Variants in NRXN1 observed in about 807,000 individuals in gnomAD.
The protein encoded by NRXN1 is neurexin-1.
Under a neutral mutation model 150.9 loss-of-function variants are expected in NRXN1, and 39 were observed. That is an observed-to-expected ratio of 0.26 (90% CI 0.20 to 0.34). The LOEUF (loss-of-function observed/expected upper bound fraction) is 0.34, where lower values mean the gene tolerates loss of function less well. NRXN1 is among the 10% of genes least tolerant of loss of function. The pLI is 1.00. For missense variants in NRXN1, 1,815 were observed against 1,949.9 expected, an observed-to-expected ratio of 0.93 and a Z score of 1.30; for synonymous variants, 924 against 757.0, an observed-to-expected ratio of 1.22 and a Z score of -3.62.
intron 2 of NRXN1, among the ~76,000 whole-genome samples, chr2:51,022,054 T>G (rs1275374626): frequency 1.3e-5 from 2 of 152,102 alleles, no homozygotes; most frequent in East Asian, 3.9e-4. Flanking sequence ...AACTGAAACT[T>G]TAGGCAGGTA....
At chr2:50,759,605 C>T (rs1701559062) in intron 5 of NRXN1, among the ~76,000 whole-genome samples, 1 of 151,712 alleles carries the variant, frequency 6.6e-6, no homozygotes, top group African/African-American at 2.4e-5. Flanking sequence ...TGTGAGAGCG[C>T]AAGACATAAG....
At chr2:51,027,440 G>A (rs1670685899) in intron 2 of NRXN1, 62 bp downstream of exon 2, 1 of 1,455,626 alleles carries the variant, frequency 6.9e-7, no homozygotes, top group East Asian at 2.4e-5. Context: ...CACCAGCCCG[G>A]TCCCCTCCTC....
intron 2 of NRXN1, among the ~76,000 whole-genome samples, chr2:50,950,511 G>A (rs939173604): frequency 2.6e-5 from 4 of 152,152 alleles, no homozygotes; most frequent in Admixed American, 6.5e-5. Flanking sequence ...GTACTGGGGC[G>A]TGCATGTATC....
chr2:50,471,909 T>A (rs1469786382), intron 16 of NRXN1, among the ~76,000 whole-genome samples: 1 of 151,750 alleles, frequency 6.6e-6, no homozygotes, highest in African/African-American at 2.4e-5. Flanking sequence ...TGTAGATTTT[T>A]AAAAAATGGG....
chr2:50,237,454 G>A (rs906384246), intron 17 of NRXN1, among the ~76,000 whole-genome samples: 1 of 151,932 alleles, frequency 6.6e-6, no homozygotes, highest in African/African-American at 2.4e-5. Flanking sequence ...ATGGAAAAAG[G>A]ATCTACTTAC....
chr2:50,730,032 C>T (rs529816532), intron 5 of NRXN1, among the ~76,000 whole-genome samples: 9 of 152,138 alleles, frequency 5.9e-5, no homozygotes, highest in Admixed American at 2.0e-4. Context: ...CAGCCACTCT[C>T]TCGACAGATG....
intron 17 of NRXN1, among the ~76,000 whole-genome samples, chr2:50,267,991 A>G (rs951310591): frequency 4.6e-5 from 7 of 152,086 alleles, no homozygotes; most frequent in African/African-American, 7.2e-5. Context: ...GGAGTTTGCG[A>G]CCAGCCTGGG....
In NRXN1 at chr2:49,964,954, T is replaced by A. The variant is rs564753184; in HGVS notation, c.4129-21163A>T. Among the ~76,000 whole-genome samples the A allele has an allele frequency of 5.9e-5, 9 of 152,260 alleles. No individual in the cohort carries two copies. In the South Asian group the frequency reaches 6.2e-4, roughly 11 times the overall value. On this transcript the variant is annotated intron_variant, in intron 21 of 22. Coordinates refer to ENST00000401669, the MANE Select transcript of NRXN1 (RefSeq NM_001330078.2). Reference sequence around the variant, plus strand: ...CAGGGTGGAGTGCAGTGGTGCAATATCAGATCACTGCAACCTCTGTCTCCT... The same window carrying A: ...CAGGGTGGAGTGCAGTGGTGCAATAACAGATCACTGCAACCTCTGTCTCCT...
intron 2 of NRXN1, among the ~76,000 whole-genome samples, chr2:50,949,202 A>C (rs902836432): frequency 6.6e-6 from 1 of 152,050 alleles, no homozygotes; most frequent in Non-Finnish European, 1.5e-5. Context: ...TCTTATCTCC[A>C]TAATAACATG....
intron 17 of NRXN1, among the ~76,000 whole-genome samples, chr2:50,419,824 T>C (rs566084381): frequency 6.6e-6 from 1 of 152,220 alleles, no homozygotes; most frequent in African/African-American, 2.4e-5. Context: ...GGTTAGTGAA[T>C]TTTACACTTA....
At chr2:50,746,668 G>A (rs913815954) in intron 5 of NRXN1, among the ~76,000 whole-genome samples, 2 of 152,136 alleles carry the variant, frequency 1.3e-5, no homozygotes, top group Non-Finnish European at 2.9e-5. Context: ...GAGACTGGGG[G>A]CTGCTTTTCC....
At chr2:50,010,149 T>TAA (rs35397464) in intron 21 of NRXN1, among the ~76,000 whole-genome samples, 61 of 147,844 alleles carry the variant, frequency 4.1e-4, no homozygotes, top group Non-Finnish European at 5.3e-4. Flanking sequence ...GAACTCAAGT[T>TAA]AAAAAAAAAA....
intron 9 of NRXN1, among the ~76,000 whole-genome samples, chr2:50,546,415 C>G (rs188526598): frequency 2.2e-4 from 34 of 152,264 alleles, no homozygotes; most frequent in African/African-American, 7.9e-4. Flanking sequence ...TCAGGTACTT[C>G]TGAAAAGCTC....
chr2:51,001,185 G>A (rs1207519238), intron 2 of NRXN1, among the ~76,000 whole-genome samples: 1 of 126,574 alleles, frequency 7.9e-6, no homozygotes, highest in African/African-American at 2.9e-5. Flanking sequence ...CGAGTTTACT[G>A]CCTCCATATG....
chr2:51,012,943 A>C (rs1668110724), intron 2 of NRXN1, among the ~76,000 whole-genome samples: 1 of 151,988 alleles, frequency 6.6e-6, no homozygotes, highest in Non-Finnish European at 1.5e-5. Context: ...AACAATTCAT[A>C]CCAGTACTAC....
At chr2:50,457,627 C>A (rs2087705509) in intron 17 of NRXN1, among the ~76,000 whole-genome samples, 1 of 151,832 alleles carries the variant, frequency 6.6e-6, no homozygotes, top group South Asian at 2.1e-4. Context: ...ATAATTATAA[C>A]AAATAATTGA....
chr2:50,742,485 G>GTAA (rs986706367), intron 5 of NRXN1, among the ~76,000 whole-genome samples: 2 of 151,504 alleles, frequency 1.3e-5, no homozygotes, highest in Non-Finnish European at 2.9e-5. Flanking sequence ...GCGGGTGCCT[G>GTAA]TAATTCCAGC....
At chr2:50,857,505 C>G (rs566802987) in intron 5 of NRXN1, among the ~76,000 whole-genome samples, 3 of 152,034 alleles carry the variant, frequency 2.0e-5, no homozygotes, top group Middle Eastern at 3.2e-3. Context: ...GAAGTGAATT[C>G]TCTTTGGAGA....
rs80052697 is a variant in NRXN1, at chr2:50,603,488, C to G, written c.1320+16534G>C. Among the ~76,000 whole-genome samples the G allele has an allele frequency of 5.1e-4, 78 of 152,232 alleles. No homozygotes were observed. In the East Asian group the frequency reaches 0.012, roughly 23 times the overall value. ...AAAAACTAAGCAGGCAGATAGGAATCTCTTTCAACACACTTTTTTCTTAAA... is the reference window on the plus strand; with the variant it reads ...AAAAACTAAGCAGGCAGATAGGAATGTCTTTCAACACACTTTTTTCTTAAA... On this transcript the variant is annotated intron_variant, in intron 8 of 22. Transcript: ENST00000401669.
Sources: allele counts gnomAD v4.1 joint callset (sites outside exome capture counted in the v4.1 genomes callset), GRCh38; gene constraint gnomAD v4.1.1; transcripts MANE v1.5; gene names NCBI Gene and HGNC (gene_info 2026-07-23, HGNC 2026-07-21).